PCDH15: variants seen among roughly 807,000 people sequenced by gnomAD.
PCDH15 encodes the protein protocadherin related 15.
In PCDH15, 129 loss-of-function variants were observed where a neutral mutation model predicts 178.5. The observed-to-expected ratio is 0.72, with a 90% CI of 0.63 to 0.84. The LOEUF is 0.84. PCDH15 is among the 40% of genes least tolerant of loss of function. PCDH15 has a pLI of 0.00. For missense variants in PCDH15, 2,230 were observed against 2,099.9 expected, an observed-to-expected ratio of 1.06 and a Z score of -1.21; for synonymous variants, 800 against 732.0, an observed-to-expected ratio of 1.09 and a Z score of -1.50.
rs2132077105 is a variant in PCDH15, at chr10:55,130,698, TG to T, written c.-80+35877del. Among the ~76,000 whole-genome samples the T allele has an allele frequency of 2.0e-5, 3 of 150,444 alleles. No homozygotes were observed. The South Asian group carries it at 6.7e-4, about 34-fold the overall frequency. ...ACATACACGTGTGTGTGTGTGTGTG[TG>T]TGTGTGTGTGTGTGTGTGTGTGTGT... is the stretch of plus-strand genomic sequence containing the variant. On this transcript the variant is annotated intron_variant, in intron 2 of 5. Transcript: ENST00000458638.
intron 2 of PCDH15, among the ~76,000 whole-genome samples, chr10:55,608,651 G>T (rs1399561029): frequency 1.3e-5 from 2 of 151,942 alleles, no homozygotes; most frequent in African/African-American, 4.8e-5. Flanking sequence ...TGCCAAGGAA[G>T]AAGACTTTAA....
At chr10:54,228,023 T>TTCCTATC (rs1465948474) in intron 9 of PCDH15, among the ~76,000 whole-genome samples, 1 of 152,192 alleles carries the variant, frequency 6.6e-6, no homozygotes, top group African/African-American at 2.4e-5. Flanking sequence ...TTCTCGCATC[T>TTCCTATC]TCCTATCTTC....
In PCDH15 at chr10:55,612,326, A is replaced by G. The variant is rs1589185475; in HGVS notation, c.-156+15299T>C. ...ATTAATTATCAAATAAAAAATTAAG[A>G]TGGAGCTGAGCCAAGAATCCAAGAC... is the stretch of plus-strand genomic sequence containing the variant. On this transcript the variant is annotated intron_variant, in intron 2 of 5. Coordinates refer to the PCDH15 transcript ENST00000613346. Among the ~76,000 whole-genome samples the G allele has an allele frequency of 3.3e-5, 5 of 152,200 alleles. No homozygotes were observed. In the South Asian group the frequency reaches 1.0e-3, roughly 32 times the overall value.
intron 10 of PCDH15, among the ~76,000 whole-genome samples, chr10:54,201,943 A>G (rs1187391205): frequency 6.6e-6 from 1 of 152,184 alleles, no homozygotes; most frequent in African/African-American, 2.4e-5. Context: ...CCCCTCAATC[A>G]TCAATTATGA....
chr10:55,384,409 A>C (rs912373638), intron 2 of PCDH15, among the ~76,000 whole-genome samples: 1 of 152,186 alleles, frequency 6.6e-6, no homozygotes, highest in African/African-American at 2.4e-5. Context: ...TAAATATTAA[A>C]ACTGTTATCT....
At chr10:54,934,013 CT>C (rs1837845329) in intron 2 of PCDH15, among the ~76,000 whole-genome samples, 2 of 152,056 alleles carry the variant, frequency 1.3e-5, no homozygotes, top group Non-Finnish European at 2.9e-5. Flanking sequence ...TATAGAGACA[CT>C]ATCAATATAA....
intron 2 of PCDH15, among the ~76,000 whole-genome samples, chr10:55,117,922 G>A (rs1316207479): frequency 6.6e-6 from 1 of 152,106 alleles, no homozygotes. Flanking sequence ...TCTGTGCTGT[G>A]GGTCTCATTA....
At chr10:54,833,981 G>A (rs1953269134) in intron 3 of PCDH15, among the ~76,000 whole-genome samples, 1 of 151,988 alleles carries the variant, frequency 6.6e-6, no homozygotes, top group African/African-American at 2.4e-5. Flanking sequence ...CAAATTATTA[G>A]GCTCCTGGGC....
intron 9 of PCDH15, among the ~76,000 whole-genome samples, chr10:54,226,989 G>A (rs1025649498): frequency 6.6e-6 from 1 of 152,210 alleles, no homozygotes; most frequent in Admixed American, 6.5e-5. Flanking sequence ...GCTTTGCAGA[G>A]TGTAGCCCCC....
intron 3 of PCDH15, among the ~76,000 whole-genome samples, chr10:54,392,107 T>C (rs1950607646): frequency 6.6e-6 from 1 of 152,100 alleles, no homozygotes; most frequent in Non-Finnish European, 1.5e-5. Flanking sequence ...GTACTTTGTT[T>C]CAATCTCTCT....
At chr10:55,467,056 T>C (rs1182224703) in intron 2 of PCDH15, among the ~76,000 whole-genome samples, 1 of 152,210 alleles carries the variant, frequency 6.6e-6, no homozygotes, top group Non-Finnish European at 1.5e-5. Context: ...TAGTTATTTA[T>C]AGGCGTATCT....
intron 8 of PCDH15, among the ~76,000 whole-genome samples, chr10:54,298,249 T>C (rs1162048609): frequency 6.6e-6 from 1 of 152,142 alleles, no homozygotes; most frequent in Non-Finnish European, 1.5e-5. Flanking sequence ...GATAAGTTTA[T>C]TACCCGATCA....
At chr10:55,255,800 G>T (rs1461643119) in intron 1 of PCDH15, among the ~76,000 whole-genome samples, 1 of 152,046 alleles carries the variant, frequency 6.6e-6, no homozygotes, top group African/African-American at 2.4e-5. Flanking sequence ...TGTTGGGGTT[G>T]TTTTTTTCTT....
At chr10:54,668,087 A>T (rs990662304) in intron 1 of PCDH15, among the ~76,000 whole-genome samples, 1 of 152,040 alleles carries the variant, frequency 6.6e-6, no homozygotes, top group Non-Finnish European at 1.5e-5. Context: ...GATAAATCTC[A>T]TATTTATTTA....
chr10:54,273,470 C>G (rs2058165858), intron 8 of PCDH15, among the ~76,000 whole-genome samples: 1 of 151,352 alleles, frequency 6.6e-6, no homozygotes, highest in Admixed American at 6.6e-5. Context: ...GGAGACAGAT[C>G]AAAAGACACA....
intron 1 of PCDH15, among the ~76,000 whole-genome samples, chr10:54,745,595 T>G (rs1945357285): frequency 6.6e-6 from 1 of 152,298 alleles, no homozygotes; most frequent in East Asian, 1.9e-4. Flanking sequence ...TCTGGCTGGA[T>G]TCCACATAAT....
At chr10:53,894,572 T>C (rs757935424) in intron 26 of PCDH15, among the ~76,000 whole-genome samples, 11 of 152,144 alleles carry the variant, frequency 7.2e-5, no homozygotes, top group Non-Finnish European at 1.0e-4. Context: ...GGAAGAAAAT[T>C]GTCACAAAAT....
chr10:53,877,728 T>C (rs117939663), intron 26 of PCDH15, among the ~76,000 whole-genome samples: 6 of 152,262 alleles, frequency 3.9e-5, no homozygotes, highest in Admixed American at 6.5e-5. Flanking sequence ...TGAACTGAAC[T>C]GTTCTAAAAA....
intron 1 of PCDH15, among the ~76,000 whole-genome samples, chr10:55,301,966 A>C (rs1474295025): frequency 6.6e-6 from 1 of 152,192 alleles, no homozygotes; most frequent in Admixed American, 6.6e-5. Context: ...CAGCCAAAAC[A>C]GCACTGTCTT....
Sources: gnomAD v4.1 joint callset for allele counts (sites outside exome capture counted in the v4.1 genomes callset) on GRCh38, gnomAD v4.1.1 for gene constraint, MANE v1.5 for transcripts, NCBI Gene and HGNC (gene_info 2026-07-23, HGNC 2026-07-21) for gene names.